The following MAGI3 variants were observed in gnomAD, a reference collection of about 807,000 sequenced individuals.
MAGI3 encodes membrane-associated guanylate kinase, WW and PDZ domain-containing protein 3.
A neutral mutation model predicts 121.8 loss-of-function variants in MAGI3; 43 were observed. That is an observed-to-expected ratio of 0.35 (90% CI 0.28 to 0.46). The LOEUF is 0.46. Among genes scored for constraint, MAGI3 ranks in the 20% least tolerant of loss-of-function variants. The probability of loss-of-function intolerance (pLI) is 1.00; values close to 1 mark genes in which losing one functional copy is unlikely to be tolerated. For synonymous variants in MAGI3, 553 were observed against 639.3 expected, an observed-to-expected ratio of 0.86 and a Z score of 2.04; for missense variants, 1,547 against 1,797.3, an observed-to-expected ratio of 0.86 and a Z score of 2.52.
chr1:113,630,917 G>A (rs1369096144), intron 9 of MAGI3, among the ~76,000 whole-genome samples: 1 of 152,146 alleles, frequency 6.6e-6, no homozygotes, highest in African/African-American at 2.4e-5. Flanking sequence ...AGTCCTTGTG[G>A]CCTAGACTGC....
rs571384712 is a variant in MAGI3, at chr1:113,417,184, A to G, written c.316+25835A>G. Among the ~76,000 whole-genome samples, 17 of 152,196 alleles carry G rather than the reference A, an allele frequency of 1.1e-4. No individual in the cohort carries two copies. In the South Asian group the frequency reaches 2.7e-3, roughly 24 times the overall value. ...TGGTTATATTAGTTTTGATGAATGTATAGAGTCATATAATCACTATCCCAA... is the reference window on the plus strand; with the variant it reads ...TGGTTATATTAGTTTTGATGAATGTGTAGAGTCATATAATCACTATCCCAA... On this transcript the variant is annotated intron_variant, in intron 1 of 20. Coordinates refer to ENST00000307546, the MANE Select transcript of MAGI3 (RefSeq NM_001142782.2).
intron 1 of MAGI3, among the ~76,000 whole-genome samples, chr1:113,410,062 C>T (rs1286321370): frequency 4.6e-5 from 7 of 152,196 alleles, no homozygotes; most frequent in Non-Finnish European, 1.5e-5. Context: ...CAGGCAGCTC[C>T]ACTTCTCTTG....
At chr1:113,644,773 C>T (rs938129298) in intron 11 of MAGI3, among the ~76,000 whole-genome samples, 6 of 152,170 alleles carry the variant, frequency 3.9e-5, no homozygotes, top group African/African-American at 1.4e-4. Context: ...AGAAACTCTA[C>T]AAGGTGCACA....
intron 19 of MAGI3, among the ~76,000 whole-genome samples, chr1:113,677,376 A>G (rs1027174210): frequency 3.9e-5 from 6 of 152,214 alleles, no homozygotes; most frequent in Non-Finnish European, 7.3e-5. Context: ...CAGATTTAAA[A>G]CTGAGGCTCA....
At chr1:113,663,200 G>C (rs957185400) in intron 16 of MAGI3, among the ~76,000 whole-genome samples, 6 of 150,238 alleles carry the variant, frequency 4.0e-5, no homozygotes, top group Admixed American at 1.3e-4. Flanking sequence ...ACTCCAGCCT[G>C]GGCAACAAGA....
intron 2 of MAGI3, among the ~76,000 whole-genome samples, chr1:113,563,473 T>A (rs1441586862): frequency 6.6e-6 from 1 of 152,198 alleles, no homozygotes; most frequent in Non-Finnish European, 1.5e-5. Context: ...TTGCTCCTGC[T>A]ATCCAAAAAG....
At chr1:113,472,125 C>T (rs545394108) in intron 1 of MAGI3, among the ~76,000 whole-genome samples, 1 of 151,744 alleles carries the variant, frequency 6.6e-6, no homozygotes, top group East Asian at 1.9e-4. Flanking sequence ...CTTGGAATAT[C>T]TTTTCCCATT....
At chr1:113,591,289 G>C (rs1347110856) in intron 5 of MAGI3, among the ~76,000 whole-genome samples, 1 of 152,064 alleles carries the variant, frequency 6.6e-6, no homozygotes, top group East Asian at 1.9e-4. Flanking sequence ...ATAATTATTG[G>C]AAGTTTTATC....
intron 1 of MAGI3, among the ~76,000 whole-genome samples, chr1:113,513,598 C>T (rs1422861857): frequency 6.6e-6 from 1 of 152,080 alleles, no homozygotes; most frequent in Non-Finnish European, 1.5e-5. Context: ...AACTGGATCC[C>T]TTCCTCACAC....
intron 6 of MAGI3, among the ~76,000 whole-genome samples, chr1:113,594,777 C>T (rs1648895375): frequency 6.6e-6 from 1 of 152,134 alleles, no homozygotes; most frequent in African/African-American, 2.4e-5. Flanking sequence ...ACATAACTCT[C>T]TATAAAAAAT....
At chr1:113,677,492 G>A (rs1176299231) in intron 19 of MAGI3, among the ~76,000 whole-genome samples, 2 of 152,108 alleles carry the variant, frequency 1.3e-5, no homozygotes, top group Admixed American at 6.5e-5. Context: ...TGTGCTTTCC[G>A]CTATGTCAGG....
intron 8 of MAGI3, among the ~76,000 whole-genome samples, chr1:113,622,194 C>T (rs1650867941): frequency 6.6e-6 from 1 of 152,098 alleles, no homozygotes; most frequent in Non-Finnish European, 1.5e-5. Context: ...TATAAACCTG[C>T]ACAATTTGAT....
intron 2 of MAGI3, among the ~76,000 whole-genome samples, chr1:113,557,057 G>C (rs781185666): frequency 1.7e-4 from 26 of 152,146 alleles, no homozygotes; most frequent in Non-Finnish European, 2.9e-4. Context: ...TAGCAGAGAG[G>C]GGTAGGCACC....
chr1:113,454,652 C>G (rs1385683724), intron 1 of MAGI3, among the ~76,000 whole-genome samples: 4 of 152,136 alleles, frequency 2.6e-5, no homozygotes, highest in Admixed American at 6.5e-5. Context: ...CCTAGCCCCC[C>G]ATCCCTCGAC....
chr1:113,445,675 G>T (rs894561091), intron 1 of MAGI3, among the ~76,000 whole-genome samples: 2 of 152,122 alleles, frequency 1.3e-5, no homozygotes, highest in South Asian at 4.1e-4. Context: ...ACATACCAGG[G>T]ATCCTTAATA....
At chr1:113,445,188 T>G (rs1654112923) in intron 1 of MAGI3, among the ~76,000 whole-genome samples, 1 of 151,734 alleles carries the variant, frequency 6.6e-6, no homozygotes, top group African/African-American at 2.4e-5. Flanking sequence ...AGAGGGAATA[T>G]TTGAAGGCTT....
chr1:113,661,866 C>T (rs1653800815), intron 16 of MAGI3, among the ~76,000 whole-genome samples: 2 of 152,078 alleles, frequency 1.3e-5, no homozygotes, highest in South Asian at 4.1e-4. Flanking sequence ...TTTTATTATG[C>T]TCTAGGTTTT....
At chr1:113,541,187 A>G (rs1659275549) in intron 1 of MAGI3, among the ~76,000 whole-genome samples, 1 of 152,226 alleles carries the variant, frequency 6.6e-6, no homozygotes, top group Non-Finnish European at 1.5e-5. Context: ...AATGCCAGTG[A>G]TATGTAGGAC....
chr1:113,614,011 T>C (rs1464115933), intron 6 of MAGI3, among the ~76,000 whole-genome samples: 3 of 152,198 alleles, frequency 2.0e-5, no homozygotes, highest in African/African-American at 7.2e-5. Flanking sequence ...AGGTATTTAT[T>C]TGTTATCATT....
Sources: gnomAD v4.1 joint callset for allele counts (sites outside exome capture counted in the v4.1 genomes callset) on GRCh38, gnomAD v4.1.1 for gene constraint, MANE v1.5 for transcripts, NCBI Gene and HGNC (gene_info 2026-07-23, HGNC 2026-07-21) for gene names.